The following CKMT2 variants were observed in gnomAD, a reference collection of about 807,000 sequenced individuals.
CKMT2 encodes creatine kinase S-type, mitochondrial.
CKMT2 carries 43 observed loss-of-function variants against 48.9 expected under a neutral mutation model. The observed-to-expected ratio is 0.88, with a 90% confidence interval of 0.69 to 1.13. The LOEUF (loss-of-function observed/expected upper bound fraction) is 1.13, where lower values mean the gene tolerates loss of function less well. Ranked by LOEUF, CKMT2 falls within the 50% of genes most tolerant of loss-of-function variation. The pLI, the probability that CKMT2 is intolerant of heterozygous loss-of-function variation, is 0.00. For synonymous variants in CKMT2, 206 were observed against 213.0 expected (o/e 0.97, Z 0.29); for missense variants, 472 against 555.4 (o/e 0.85, Z 1.51).
chr5:81,259,426 TAAAAGGTTC>T (rs1757132510), intron 8 of CKMT2, 172 bp downstream of exon 8: 1 of 527,614 alleles, frequency 1.9e-6, no homozygotes, highest in East Asian at 3.2e-5. Context: ...TTAGTTAGAA[TAAAAGGTTC>T]AGGGGCTGTA....
intron 1 of CKMT2, chr5:81,237,537 C>T (rs1423036635): frequency 1.3e-5 from 2 of 152,128 alleles, no homozygotes; most frequent in African/African-American, 4.8e-5. Flanking sequence ...GCCTAGAAAT[C>T]CAAAATTTTA....
At chr5:81,238,898 C>T (rs2112780559) in intron 1 of CKMT2, 1 of 152,302 alleles carries the variant, frequency 6.6e-6, no homozygotes, top group South Asian at 2.1e-4. Flanking sequence ...GATCTGTCTC[C>T]CCCACCTGGC....
chr5:81,263,588 C>A lies in CKMT2; in HGVS notation c.1112C>A (p.Ser371Tyr), dbSNP rs1350282106. 2 of 1,612,198 alleles carry A rather than the reference C, an allele frequency of 1.2e-6. No individual in the cohort carries two copies. The highest frequency in any genetic ancestry group is 1.3e-5 in the African/African-American group (1 of 74,824). Residue 371 changes from serine (S) to tyrosine (Y), a missense_variant, in exon 9 of 10, where the codon TCC becomes TAC. Transcript: ENST00000254035. Reference protein sequence around the residue: ...TAAVADVYDISNIDRIGRSEV... With the variant: ...TAAVADVYDIYNIDRIGRSEV... ...GCGGTCGCAGATGTGTACGACATTTCCAACATAGATAGAATTGGTCGATCA... is the reference window on the plus strand; with the variant it reads ...GCGGTCGCAGATGTGTACGACATTTACAACATAGATAGAATTGGTCGATCA...
At chr5:81,257,275 G>A (rs1434680221) in intron 6 of CKMT2, among the ~76,000 whole-genome samples, 1 of 152,006 alleles carries the variant, frequency 6.6e-6, no homozygotes, top group Non-Finnish European at 1.5e-5. Flanking sequence ...AAATGTTCAT[G>A]TGCAGCTGCT....
At chr5:81,244,156 C>A in intron 1 of CKMT2, 1 of 985,436 alleles carries the variant, frequency 1.0e-6, no homozygotes, top group Non-Finnish European at 1.2e-6. Context: ...TCCTCCACAG[C>A]ATAGGCCAGC....
At chr5:81,245,293 G>A (rs1463959067) in intron 1 of CKMT2, 2 of 152,226 alleles carry the variant, frequency 1.3e-5, no homozygotes, top group African/African-American at 4.8e-5. Context: ...CTGGCCATGT[G>A]GAAGGAACAC....
chr5:81,248,504 GCA>G (rs1756686593), intron 1 of CKMT2, among the ~76,000 whole-genome samples: 2 of 152,180 alleles, frequency 1.3e-5, no homozygotes, highest in Non-Finnish European at 2.9e-5. Context: ...AAGCACTGGT[GCA>G]GCTCACTGAA....
chr5:81,252,897 A>AAACT lies in CKMT2; in HGVS notation c.351+6_351+9dup. On this transcript the variant is annotated splice_donor_region_variant and intron_variant, in intron 3 of 9. Coordinates refer to ENST00000254035, the MANE Select transcript of CKMT2 (RefSeq NM_001099735.2). ...TGGTGACGAGGAGTCCTATGAGGTAAAACTATTGGCTGCTGGTTCCAGGGT... is the reference window on the plus strand; with the variant it reads ...TGGTGACGAGGAGTCCTATGAGGTAAAACTAACTATTGGCTGCTGGTTCCAGGGT... The AAACT allele has an allele frequency of 1.9e-6, 3 of 1,614,072 alleles. No homozygotes were observed. The highest frequency in any genetic ancestry group is 1.7e-6 in the Non-Finnish European group (2 of 1,179,992).
rs1460689898 is a variant in CKMT2, at chr5:81,258,807, T to TTCATCCCAAAA, written c.880-311_880-301dup. Among the ~76,000 whole-genome samples the TTCATCCCAAAA allele has an allele frequency of 6.6e-5, 10 of 152,260 alleles. No homozygotes were observed. The East Asian group carries it at 1.7e-3, about 26-fold the overall frequency. On this transcript the variant is annotated intron_variant, in intron 7 of 9. Coordinates refer to ENST00000254035, the MANE Select transcript of CKMT2 (RefSeq NM_001099735.2). ...TGATGATCTGAGGTGGAACAACAGTTTCATCCCAAAATATTCCCTCCCTAC... is the reference window on the plus strand; with the variant it reads ...TGATGATCTGAGGTGGAACAACAGTTTCATCCCAAAATCATCCCAAAATATTCCCTCCCTAC...
chr5:81,237,542 A>T (rs1756284502), intron 1 of CKMT2: 1 of 152,214 alleles, frequency 6.6e-6, no homozygotes, highest in African/African-American at 2.4e-5. Flanking sequence ...GAAATCCAAA[A>T]TTTTAACACA....
intron 3 of CKMT2, among the ~76,000 whole-genome samples, chr5:81,253,733 A>G (rs1179977624): frequency 1.3e-5 from 2 of 152,144 alleles, no homozygotes; most frequent in African/African-American, 4.8e-5. Flanking sequence ...AGTCCTCCCC[A>G]CTTCCCACAG....
intron 8 of CKMT2, 22 bp from the exon 9 acceptor site, chr5:81,263,469 A>T (rs1232441400): frequency 6.4e-7 from 1 of 1,553,888 alleles, no homozygotes; most frequent in Non-Finnish European, 8.7e-7. Flanking sequence ...TAGCACATTT[A>T]AGTATTATCC....
rs1756162180 is a variant in CKMT2, at chr5:81,233,343, G to A, written c.-55G>A. On this transcript the variant is annotated 5_prime_UTR_variant, in exon 1 of 10. Transcript: ENST00000254035. The stretch of plus-strand genomic sequence containing the variant: ...CCCTGCATACACTTCTTGGCTGTGT[G>A]CGCTCAGCAGGACGTGGGAGGCTCC... 1 of 985,604 alleles carries A rather than the reference G, an allele frequency of 1.0e-6. No individual in the cohort carries two copies. The highest frequency in any genetic ancestry group is 1.2e-6 in the Non-Finnish European group (1 of 830,168). The allele number at this position is 985,604 out of a possible 1,614,324, so 61.1% of individuals were successfully genotyped here.
intron 2 of CKMT2, chr5:81,252,417 C>T (rs959877237): frequency 4.3e-6 from 2 of 466,754 alleles, no homozygotes; most frequent in East Asian, 4.2e-5. Context: ...TAAGACAGCA[C>T]CCAATTTGAT....
At chr5:81,249,073 C>T (rs1756710205) in intron 1 of CKMT2, among the ~76,000 whole-genome samples, 2 of 143,682 alleles carry the variant, frequency 1.4e-5, no homozygotes, top group Non-Finnish European at 1.5e-5. Context: ...TTTTTTGAGA[C>T]AGTTTTGTTC....
At chr5:81,256,580 T>C (rs1757018439) in intron 5 of CKMT2, among the ~76,000 whole-genome samples, 1 of 152,194 alleles carries the variant, frequency 6.6e-6, no homozygotes, top group African/African-American at 2.4e-5. Flanking sequence ...TCAGCCATTG[T>C]ATAGGGTTGG....
At chr5:81,266,084 A>G in intron 9 of CKMT2, 55 bp from the exon 10 acceptor site, 4 of 1,571,226 alleles carry the variant, frequency 2.5e-6, no homozygotes, top group Middle Eastern at 1.7e-4. Flanking sequence ...CTGTTAATCA[A>G]TGCCCTGCAG....
intron 1 of CKMT2, among the ~76,000 whole-genome samples, chr5:81,241,213 C>T (rs1756424082): frequency 6.6e-6 from 1 of 152,152 alleles, no homozygotes; most frequent in South Asian, 2.1e-4. Context: ...TTACACTGTG[C>T]CTTCCAGCAC....
chr5:81,261,995 T>C (rs977607485), intron 8 of CKMT2, among the ~76,000 whole-genome samples: 1 of 152,088 alleles, frequency 6.6e-6, no homozygotes, highest in African/African-American at 2.4e-5. Flanking sequence ...AAAACAAATA[T>C]ATAGACCAAT....
Sources: gnomAD v4.1 joint callset for allele counts (sites outside exome capture counted in the v4.1 genomes callset) on GRCh38, gnomAD v4.1.1 for gene constraint, MANE v1.5 for transcripts, NCBI Gene and HGNC (gene_info 2026-07-23, HGNC 2026-07-21) for gene names.